Variants in SLC49A4 observed in about 807,000 individuals in gnomAD.
SLC49A4 encodes disrupted in renal cancer protein 2.
In SLC49A4, 36 loss-of-function variants were observed where a neutral mutation model predicts 50.6. The ratio of observed to expected loss-of-function variants is 0.71; its 90% CI spans 0.55 to 0.94. The LOEUF is 0.94. Ranked by LOEUF, SLC49A4 falls within the 40% of genes least tolerant of loss-of-function variation. The pLI is 0.00. For missense variants in SLC49A4, 503 were observed against 605.7 expected, an observed-to-expected ratio of 0.83 and a Z score of 1.78; for synonymous variants, 248 against 241.2, an observed-to-expected ratio of 1.03 and a Z score of -0.26.
intron 2 of SLC49A4, among the ~76,000 whole-genome samples, chr3:122,823,685 A>G (rs966138750): frequency 6.6e-6 from 1 of 152,136 alleles, no homozygotes; most frequent in Non-Finnish European, 1.5e-5. Flanking sequence ...GGTAATGTTC[A>G]TATGATTTTA....
At chr3:122,834,433 A>G (rs1936648991) in intron 4 of SLC49A4, among the ~76,000 whole-genome samples, 5 of 152,318 alleles carry the variant, frequency 3.3e-5, no homozygotes, top group Admixed American at 3.3e-4. Context: ...GTACAAACAC[A>G]CGGAAATTAA....
intron 5 of SLC49A4, among the ~76,000 whole-genome samples, chr3:122,847,760 A>G (rs1936875512): frequency 6.6e-6 from 1 of 152,186 alleles, no homozygotes; most frequent in South Asian, 2.1e-4. Flanking sequence ...AAAAAATTAA[A>G]AAAGCAATCA....
chr3:122,796,997 A>C (rs1428547402), intron 1 of SLC49A4, among the ~76,000 whole-genome samples: 2 of 152,236 alleles, frequency 1.3e-5, no homozygotes, highest in African/African-American at 4.8e-5. Context: ...GTTAGCACTC[A>C]AAATTAGTTG....
At chr3:122,825,970 T>G (rs890490112) in intron 2 of SLC49A4, among the ~76,000 whole-genome samples, 1 of 152,170 alleles carries the variant, frequency 6.6e-6, no homozygotes, top group African/African-American at 2.4e-5. Context: ...AAAAAGAAAC[T>G]GCTTTTCATT....
At position 122,795,360 on chromosome 3, in the gene SLC49A4, G is replaced by C. The variant is rs755290715; in HGVS notation, c.168G>C (p.Leu56=). 1 of 1,591,666 alleles carries C rather than the reference G, an allele frequency of 6.3e-7. No homozygotes were observed. Among genetic ancestry groups the C allele is most frequent in the East Asian group, 2.3e-5 (1 of 43,202 alleles). The change falls in exon 1 of 9, where the codon CTG becomes CTC. Residue 56 remains leucine, a synonymous_variant. Coordinates refer to ENST00000261038, the MANE Select transcript of SLC49A4 (RefSeq NM_032839.3). ...ACGGGCGCCGCTGGCTGGTGCTGCTGCTCTTCTCGCTGCTGGCGTTCGTTC... is the reference window on the plus strand; with the variant it reads ...ACGGGCGCCGCTGGCTGGTGCTGCTCCTCTTCTCGCTGCTGGCGTTCGTTC... ...RVYGRRWLVL[L]LFSLLAFVQG...
chr3:122,805,181 T>A lies in SLC49A4; in HGVS notation c.344-1676T>A, dbSNP rs150549724. ...TGCACTCTGTTTCCTGTGGCTATAA[T>A]GTGATTTTTAAAGTCTGTATTCTGT... On this transcript the variant is annotated intron_variant, in intron 1 of 8. Transcript: ENST00000261038. Among the ~76,000 whole-genome samples the A allele has an allele frequency of 3.7e-3, 570 of 152,302 alleles. 4 individuals are homozygous for A. Among genetic ancestry groups the A allele is most frequent in the African/African-American group, 0.013 (541 of 41,560 alleles).
intron 3 of SLC49A4, among the ~76,000 whole-genome samples, chr3:122,830,878 A>G (rs1431268900): frequency 1.3e-5 from 2 of 152,204 alleles, no homozygotes; most frequent in East Asian, 3.8e-4. Flanking sequence ...TGCAAATCAT[A>G]TATCTGATAA....
chr3:122,814,940 A>T (rs1936344278), intron 2 of SLC49A4, among the ~76,000 whole-genome samples: 1 of 152,034 alleles, frequency 6.6e-6, no homozygotes, highest in Non-Finnish European at 1.5e-5. Flanking sequence ...TATTCAGGGG[A>T]AGTAGGCAGC....
intron 8 of SLC49A4, among the ~76,000 whole-genome samples, chr3:122,877,390 G>A (rs1449248794): frequency 3.3e-5 from 5 of 152,186 alleles, no homozygotes; most frequent in East Asian, 3.8e-4. Context: ...AAACCATGGC[G>A]CTAAAGAGCA....
At chr3:122,835,305 G>A (rs1407725839) in intron 4 of SLC49A4, among the ~76,000 whole-genome samples, 1 of 151,958 alleles carries the variant, frequency 6.6e-6, no homozygotes, top group East Asian at 1.9e-4. Flanking sequence ...ACCAAAACCG[G>A]AAAAAGACAT....
intron 7 of SLC49A4, among the ~76,000 whole-genome samples, chr3:122,869,076 A>G (rs1006942794): frequency 6.6e-6 from 1 of 152,164 alleles, no homozygotes; most frequent in African/African-American, 2.4e-5. Flanking sequence ...AACTCACATG[A>G]AGTGGAGTTG....
chr3:122,825,495 G>A (rs916222386), intron 2 of SLC49A4, among the ~76,000 whole-genome samples: 1 of 151,726 alleles, frequency 6.6e-6, no homozygotes, highest in Non-Finnish European at 1.5e-5. Flanking sequence ...ACATAACGAA[G>A]CTATGGGCAG....
intron 2 of SLC49A4, among the ~76,000 whole-genome samples, chr3:122,820,836 C>T (rs1936438616): frequency 6.6e-6 from 1 of 152,218 alleles, no homozygotes; most frequent in Non-Finnish European, 1.5e-5. Flanking sequence ...TAGTGGGCAG[C>T]ACCAGGTCTC....
chr3:122,869,385 ATAT>A (rs1937165898), intron 7 of SLC49A4, among the ~76,000 whole-genome samples: 1 of 152,184 alleles, frequency 6.6e-6, no homozygotes, highest in Admixed American at 6.5e-5. Context: ...TTAGTTATTA[ATAT>A]TATTATAATA....
At chr3:122,806,722 CCA>C in intron 1 of SLC49A4, 133 bp from the exon 2 acceptor site, 1 of 449,078 alleles carries the variant, frequency 2.2e-6, no homozygotes, top group Non-Finnish European at 4.0e-6. Flanking sequence ...TTTTTTTTTT[CCA>C]TTTTTAAAGT....
intron 2 of SLC49A4, among the ~76,000 whole-genome samples, chr3:122,824,296 C>T (rs1429874411): frequency 6.6e-6 from 1 of 152,164 alleles, no homozygotes; most frequent in African/African-American, 2.4e-5. Context: ...TCTGAAGTGT[C>T]CCTGGTGCTA....
At chr3:122,798,427 A>G (rs1030270846) in intron 1 of SLC49A4, among the ~76,000 whole-genome samples, 3 of 152,086 alleles carry the variant, frequency 2.0e-5, no homozygotes, top group Non-Finnish European at 2.9e-5. Flanking sequence ...TCTTGTGACT[A>G]TATGGTGAAT....
chr3:122,846,752 G>A (rs1044913690), intron 5 of SLC49A4, among the ~76,000 whole-genome samples: 2 of 152,170 alleles, frequency 1.3e-5, no homozygotes, highest in African/African-American at 4.8e-5. Flanking sequence ...CCATCATAGT[G>A]ACTTCTGTGG....
chr3:122,843,449 T>C (rs1463383960), intron 4 of SLC49A4, among the ~76,000 whole-genome samples: 1 of 152,204 alleles, frequency 6.6e-6, no homozygotes, highest in Admixed American at 6.5e-5. Flanking sequence ...AAAAATAGAC[T>C]CTTTTTAACA....
Sources: allele counts gnomAD v4.1 joint callset (sites outside exome capture counted in the v4.1 genomes callset), GRCh38; gene constraint gnomAD v4.1.1; transcripts MANE v1.5; gene names NCBI Gene and HGNC (gene_info 2026-07-23, HGNC 2026-07-21).